SORD: variants seen among roughly 807,000 people sequenced by gnomAD.
SORD encodes the protein (R,R)-butanediol dehydrogenase.
SORD carries 18 observed loss-of-function variants against 35.6 expected under a neutral mutation model. The ratio of observed to expected loss-of-function variants is 0.51; its 90% CI spans 0.35 to 0.75. The LOEUF (loss-of-function observed/expected upper bound fraction) is 0.75, where lower values mean the gene tolerates loss of function less well. SORD is among the 30% of genes least tolerant of loss of function. The pLI, the probability that SORD is intolerant of heterozygous loss-of-function variation, is 0.01. For synonymous variants in SORD, 106 were observed against 152.9 expected (o/e 0.69, Z 2.26); for missense variants, 250 against 390.2 (o/e 0.64, Z 3.03).
chr15:45,061,449 T>C (rs1893305936), intron 4 of SORD, among the ~76,000 whole-genome samples: 1 of 152,212 alleles, frequency 6.6e-6, no homozygotes, highest in African/African-American at 2.4e-5. Context: ...TCAGTTTCCC[T>C]TACTTAGAGC....
At chr15:45,051,542 A>G (rs750242650) in intron 3 of SORD, among the ~76,000 whole-genome samples, 3 of 152,244 alleles carry the variant, frequency 2.0e-5, no homozygotes. Context: ...GGATTACTAT[A>G]AACTATTTAT....
intron 1 of SORD, among the ~76,000 whole-genome samples, chr15:45,029,283 A>G (rs78898520): frequency 0.21 from 31,251 of 150,960 alleles, no homozygotes; most frequent in African/African-American, 0.44. Context: ...TGGAAAGGCA[A>G]TGCCTTTGTC....
At chr15:45,034,526 A>G (rs1892828651) in intron 1 of SORD, among the ~76,000 whole-genome samples, 1 of 152,270 alleles carries the variant, frequency 6.6e-6, no homozygotes, top group Non-Finnish European at 1.5e-5. Context: ...GCAAGATAAC[A>G]TTTAGTATGT....
chr15:45,023,592 C>A (rs1460584010), intron 1 of SORD, among the ~76,000 whole-genome samples: 2 of 152,254 alleles, frequency 1.3e-5, no homozygotes, highest in Admixed American at 6.5e-5. Flanking sequence ...GTGGCCGGTG[C>A]CCAGGACGGT....
intron 3 of SORD, among the ~76,000 whole-genome samples, chr15:45,054,079 A>C (rs1371814279): frequency 6.7e-6 from 1 of 149,592 alleles, no homozygotes; most frequent in Non-Finnish European, 1.5e-5. Context: ...AGTCTTTGCT[A>C]TTGTGAATAG....
At chr15:45,056,968 G>A (rs1893228141) in intron 3 of SORD, among the ~76,000 whole-genome samples, 1 of 152,094 alleles carries the variant, frequency 6.6e-6, no homozygotes, top group South Asian at 2.1e-4. Flanking sequence ...GCATATCTGT[G>A]GAATACTCAA....
chr15:45,051,063 G>A (rs1213482560), intron 3 of SORD, among the ~76,000 whole-genome samples: 1 of 152,136 alleles, frequency 6.6e-6, no homozygotes, highest in Non-Finnish European at 1.5e-5. Context: ...GCATTTGAGA[G>A]CACCTATCAA....
chr15:45,038,175 C>CCTT (rs1267477039), intron 1 of SORD, among the ~76,000 whole-genome samples: 1 of 144,468 alleles, frequency 6.9e-6, no homozygotes, highest in Non-Finnish European at 1.5e-5. Context: ...TTCCTTCCTT[C>CCTT]CTTCCTTCCT....
chr15:45,070,061 A>G (rs1206361610), intron 7 of SORD: 4 of 152,130 alleles, frequency 2.6e-5, no homozygotes, highest in African/African-American at 9.7e-5. Flanking sequence ...TATAAACATG[A>G]GGCCTAATCT....
chr15:45,027,404 G>T (rs151210531), intron 1 of SORD, among the ~76,000 whole-genome samples: 1 of 152,266 alleles, frequency 6.6e-6, no homozygotes, highest in Admixed American at 6.5e-5. Context: ...GGGGATAATG[G>T]TAGTATTCAT....
intron 1 of SORD, chr15:45,036,177 C>T (rs1486314151): frequency 6.0e-6 from 2 of 332,370 alleles, no homozygotes; most frequent in Middle Eastern, 8.6e-4. Context: ...TCCGGACACG[C>T]CCCCTTTAGG....
At chr15:45,027,790 T>C (rs172021) in intron 1 of SORD, among the ~76,000 whole-genome samples, 37,552 of 150,480 alleles carry the variant, frequency 0.25, 2,556 homozygotes, top group African/African-American at 0.42. Context: ...TTTTACCCCA[T>C]AGAAGCTATG....
chr15:45,023,211 G>C lies in SORD; in HGVS notation c.-73G>C. 6 of 1,340,506 alleles carry C rather than the reference G, an allele frequency of 4.5e-6. No homozygotes were observed. The highest frequency in any genetic ancestry group is 6.0e-6 in the Non-Finnish European group (6 of 1,000,838). 83.0% of individuals were successfully genotyped at this position (1,340,506 alleles called of 1,614,324 possible). On this transcript the variant is annotated 5_prime_UTR_variant, in exon 1 of 9. Coordinates refer to ENST00000267814, the MANE Select transcript of SORD (RefSeq NM_003104.6). ...CTTCCATCCAGTGCCCTGGACCCTCGGCTGGGTAGCGCCACCAGAGCGACC... is the reference window on the plus strand; with the variant it reads ...CTTCCATCCAGTGCCCTGGACCCTCCGCTGGGTAGCGCCACCAGAGCGACC...
chr15:45,068,654 A>G (rs974052531), intron 6 of SORD, among the ~76,000 whole-genome samples: 12 of 151,362 alleles, frequency 7.9e-5, no homozygotes, highest in African/African-American at 2.9e-4. Flanking sequence ...GAGAGTTTAC[A>G]GATTTGTGTT....
chr15:45,048,969 T>G (rs1893087043), intron 3 of SORD, among the ~76,000 whole-genome samples: 1 of 152,196 alleles, frequency 6.6e-6, no homozygotes, highest in Admixed American at 6.5e-5. Flanking sequence ...CAGCTTCTCT[T>G]TTCTCAGCAA....
intron 4 of SORD, among the ~76,000 whole-genome samples, chr15:45,062,544 A>T (rs1461095941): frequency 1.3e-5 from 2 of 151,790 alleles, no homozygotes; most frequent in Non-Finnish European, 2.9e-5. Context: ...AGTCTGACAG[A>T]TCTGAGTTTT....
At chr15:45,029,042 T>C (rs907569711) in intron 1 of SORD, among the ~76,000 whole-genome samples, 10 of 152,240 alleles carry the variant, frequency 6.6e-5, no homozygotes, top group Non-Finnish European at 1.5e-4. Flanking sequence ...AGTGATGAGA[T>C]GCAGGCTACT....
chr15:45,037,997 G>A (rs1595497598), intron 1 of SORD, among the ~76,000 whole-genome samples: 1 of 152,028 alleles, frequency 6.6e-6, no homozygotes, highest in African/African-American at 2.4e-5. Flanking sequence ...TATAACAGAA[G>A]GATCACTTTA....
intron 1 of SORD, among the ~76,000 whole-genome samples, chr15:45,027,191 G>A (rs149433403): frequency 0.2 from 29,446 of 147,352 alleles, no homozygotes; most frequent in African/African-American, 0.44. Context: ...AAGTTTGAGA[G>A]TTGGAGGGAG....
Sources: allele counts gnomAD v4.1 joint callset (sites outside exome capture counted in the v4.1 genomes callset), GRCh38; gene constraint gnomAD v4.1.1; transcripts MANE v1.5; gene names NCBI Gene and HGNC (gene_info 2026-07-23, HGNC 2026-07-21).